FOXN2: variants seen among roughly 807,000 people sequenced by gnomAD.
FOXN2 encodes forkhead box N2, also known as forkhead box protein N2.
Under a neutral mutation model 41.2 loss-of-function variants are expected in FOXN2, and 19 were observed. The ratio of observed to expected loss-of-function variants is 0.46; its 90% CI spans 0.32 to 0.68. The LOEUF (loss-of-function observed/expected upper bound fraction) is 0.68, where lower values mean the gene tolerates loss of function less well. Among genes scored for constraint, FOXN2 ranks in the 30% least tolerant of loss-of-function variants. The pLI is 0.03. For missense variants in FOXN2, 587 were observed against 509.4 expected (o/e 1.15, Z -1.47); for synonymous variants, 195 against 176.8 (o/e 1.10, Z -0.82).
In FOXN2 at chr2:48,346,436, C is replaced by T. The variant is rs201231983; in HGVS notation, c.222C>T (p.Leu74=). 8.7e-6 allele frequency: 14 copies of T among 1,614,018 alleles called. No homozygotes were observed. The highest frequency in any genetic ancestry group is 1.7e-5 in the Admixed American group (1 of 59,984). The stretch of plus-strand genomic sequence containing the variant: ...CTAATCTTCTAACAAACTTCAGCCT[C>T]GGAAGTGAGGGTCTTCCAATTGTTA... ...ESTNLLTNFS[L]GSEGLPIVSP... is the part of the protein sequence containing the mutation. Residue 74 remains leucine, a synonymous_variant, in exon 3 of 7, where the codon CTC becomes CTT. Transcript: ENST00000340553.
rs547751386 is a variant in FOXN2 at position 48,358,353 on chromosome 2, T to G, written c.538-694T>G. ...TCCTCTTATTTGAATCTCATTACAA[T>G]TCAGTGAAGTGGCCTGCATTGTTGT... On this transcript the variant is annotated intron_variant, in intron 3 of 6. Coordinates refer to ENST00000340553, the MANE Select transcript of FOXN2 (RefSeq NM_002158.4). Among the ~76,000 whole-genome samples the G allele has an allele frequency of 3.1e-4, 47 of 152,320 alleles. 1 individual carries two copies. Among genetic ancestry groups the G allele is most frequent in the African/African-American group, 1.0e-3 (42 of 41,574 alleles).
intron 6 of FOXN2, 57 bp downstream of exon 6, chr2:48,373,417 A>G (rs1673037404): frequency 2.0e-6 from 2 of 992,130 alleles, no homozygotes; most frequent in Non-Finnish European, 1.6e-6. Flanking sequence ...AATTTAACCT[A>G]GACTATAAAA....
At chr2:48,372,789 CT>C (rs1672994005) in intron 5 of FOXN2, among the ~76,000 whole-genome samples, 1 of 151,998 alleles carries the variant, frequency 6.6e-6, no homozygotes, top group Admixed American at 6.6e-5. Context: ...TAATTATTCA[CT>C]TAGCATTTAT....
intron 2 of FOXN2, among the ~76,000 whole-genome samples, chr2:48,332,714 A>C (rs1416553585): frequency 6.6e-6 from 1 of 152,224 alleles, no homozygotes. Flanking sequence ...AATTTATAGT[A>C]GTAATAATCA....
chr2:48,370,162 G>C (rs769612605), intron 5 of FOXN2, among the ~76,000 whole-genome samples: 2 of 152,176 alleles, frequency 1.3e-5, no homozygotes, highest in Admixed American at 6.5e-5. Flanking sequence ...CATTCGTCTA[G>C]CTGTGTGCCT....
intron 1 of FOXN2, among the ~76,000 whole-genome samples, 153 bp from the exon 2 acceptor site, chr2:48,328,408 T>C (rs1196656710): frequency 6.6e-6 from 1 of 152,248 alleles, no homozygotes; most frequent in African/African-American, 2.4e-5. Context: ...TTTAAGTCTC[T>C]AGATTACTTA....
intron 3 of FOXN2, among the ~76,000 whole-genome samples, chr2:48,352,092 A>T (rs893296204): frequency 6.0e-5 from 8 of 134,136 alleles, no homozygotes; most frequent in Admixed American, 3.6e-4. Flanking sequence ...AGAGCAAACC[A>T]GTGAGAGTTT....
intron 5 of FOXN2, among the ~76,000 whole-genome samples, chr2:48,363,550 C>G (rs1228467852): frequency 6.6e-6 from 1 of 152,220 alleles, no homozygotes; most frequent in Non-Finnish European, 1.5e-5. Flanking sequence ...CTAACACTCT[C>G]TGGCTCACCC....
At chr2:48,319,024 A>T (rs1460804454) in intron 1 of FOXN2, among the ~76,000 whole-genome samples, 1 of 152,364 alleles carries the variant, frequency 6.6e-6, no homozygotes, top group South Asian at 2.1e-4. Flanking sequence ...CATTACTGTT[A>T]AATCCCTGGG....
intron 1 of FOXN2, among the ~76,000 whole-genome samples, chr2:48,328,125 C>T (rs1240395441): frequency 6.6e-6 from 1 of 152,196 alleles, no homozygotes; most frequent in Admixed American, 6.5e-5. Flanking sequence ...TATTATTATA[C>T]ATAAACAAAT....
chr2:48,342,327 A>G (rs1670829619), intron 2 of FOXN2, among the ~76,000 whole-genome samples: 1 of 152,060 alleles, frequency 6.6e-6, no homozygotes, highest in Admixed American at 6.6e-5. Context: ...AGTTGTTTAT[A>G]GTTTTCCATT....
At chr2:48,338,630 A>ACCTG (rs1479808271) in intron 2 of FOXN2, among the ~76,000 whole-genome samples, 10 of 151,370 alleles carry the variant, frequency 6.6e-5, no homozygotes, top group African/African-American at 2.2e-4. Flanking sequence ...CAATCTCCTG[A>ACCTG]CCTCATGATC....
chr2:48,340,038 G>T (rs959824662), intron 2 of FOXN2, among the ~76,000 whole-genome samples: 4 of 152,178 alleles, frequency 2.6e-5, no homozygotes, highest in African/African-American at 9.7e-5. Context: ...ATGTTTAAAT[G>T]TGGAAGGCTA....
intron 5 of FOXN2, 151 bp downstream of exon 5, chr2:48,362,858 C>A: frequency 1.5e-6 from 1 of 666,496 alleles, no homozygotes; most frequent in Non-Finnish European, 2.6e-6. Context: ...AACATTGTGG[C>A]ACAACGCATT....
At chr2:48,360,178 A>G (rs1672078204) in intron 4 of FOXN2, among the ~76,000 whole-genome samples, 1 of 152,078 alleles carries the variant, frequency 6.6e-6, no homozygotes, top group Admixed American at 6.5e-5. Context: ...ACCTTCTTAA[A>G]TCTGATTTTT....
At chr2:48,349,086 T>C (rs982738602) in intron 3 of FOXN2, among the ~76,000 whole-genome samples, 4 of 152,200 alleles carry the variant, frequency 2.6e-5, no homozygotes, top group Non-Finnish European at 5.9e-5. Flanking sequence ...AGCTGCATTT[T>C]TCAGTAGCAA....
intron 4 of FOXN2, among the ~76,000 whole-genome samples, chr2:48,359,902 CATT>C (rs904982292): frequency 4.6e-5 from 7 of 151,964 alleles, no homozygotes; most frequent in African/African-American, 1.7e-4. Context: ...TTAAGTTTGT[CATT>C]ATAACATTTT....
upstream of FOXN2, among the ~76,000 whole-genome samples, chr2:48,314,365 T>A (rs1285454410): frequency 6.6e-6 from 1 of 152,216 alleles, no homozygotes; most frequent in Non-Finnish European, 1.5e-5. Context: ...CCTGCCCTGC[T>A]CAGCCCTAAA....
At chr2:48,359,257 G>A (rs1263128225) in intron 4 of FOXN2, 110 bp downstream of exon 4, 1 of 755,788 alleles carries the variant, frequency 1.3e-6, no homozygotes, top group East Asian at 2.9e-5. Context: ...GTATAAAGAA[G>A]TATTTATGTT....
Sources: allele counts gnomAD v4.1 joint callset (sites outside exome capture counted in the v4.1 genomes callset), GRCh38; gene constraint gnomAD v4.1.1; transcripts MANE v1.5; gene names NCBI Gene and HGNC (gene_info 2026-07-23, HGNC 2026-07-21).